MYH6: variants seen among roughly 807,000 people sequenced by gnomAD.
MYH6 encodes myosin-6.
A neutral mutation model predicts 223.2 loss-of-function variants in MYH6; 126 were observed. The ratio of observed to expected loss-of-function variants is 0.56; its 90% confidence interval spans 0.49 to 0.65. MYH6 has a LOEUF of 0.65. Among genes scored for constraint, MYH6 ranks in the 30% least tolerant of loss-of-function variants. The probability of loss-of-function intolerance (pLI) is 0.00; values close to 1 mark genes in which losing one functional copy is unlikely to be tolerated. For synonymous variants in MYH6, 978 were observed against 1,010.2 expected (o/e 0.97, Z 0.61); for missense variants, 2,040 against 2,536.4 (o/e 0.80, Z 4.20).
rs777159953 is a variant in MYH6 at position 23,387,623 on chromosome 14, C to T, written c.4556G>A (p.Gly1519Glu). 1 of 1,614,112 alleles carries T rather than the reference C, an allele frequency of 6.2e-7. No homozygotes were observed. The highest frequency in any genetic ancestry group is 8.5e-7 in the Non-Finnish European group (1 of 1,180,018). ...CTCATGCACATTCTTTCCTCCTTCTCCTAGCTGCTCAGTAAGGTCCGAGAT... is the reference window on the plus strand; with the variant it reads ...CTCATGCACATTCTTTCCTCCTTCTTCTAGCTGCTCAGTAAGGTCCGAGAT... Reference protein sequence around the residue: ...EEISDLTEQLGEGGKNVHELE... With the variant: ...EEISDLTEQLEEGGKNVHELE... The change falls in exon 32 of 39, where the codon GGA becomes GAA. Residue 1519 changes from glycine to glutamate, a missense_variant. Physicochemically the swap from Gly to Glu is moderately conservative, Grantham distance 98. Transcript: ENST00000405093.
chr14:23,389,501 G>A lies in MYH6; in HGVS notation c.3870C>T (p.Ala1290=), dbSNP rs2138591371. 6.2e-7 allele frequency: 1 copy of A among 1,614,164 alleles called. No homozygotes were observed. Among genetic ancestry groups the A allele is most frequent in the Non-Finnish European group, 8.5e-7 (1 of 1,180,020 alleles). The stretch of plus-strand genomic sequence containing the variant: ...GCGCCTCCTTTTCCTCTAGCTGCCG[G>A]GCCAACTCTCCTGGAGGTGAAATGA... ...AKLQTENGEL[A]RQLEEKEALI... The change falls in exon 28 of 39, where the codon GCC becomes GCT. Residue 1290 remains alanine, a synonymous_variant. Transcript: ENST00000405093.
chr14:23,396,615 T>G, intron 19 of MYH6, 79 bp downstream of exon 19: 1 of 1,611,420 alleles, frequency 6.2e-7, no homozygotes, highest in Non-Finnish European at 8.5e-7. Flanking sequence ...AGAATTAGGC[T>G]TCTGCCTCCT....
intron 12 of MYH6, 128 bp downstream of exon 12, chr14:23,402,336 C>T: frequency 7.0e-7 from 1 of 1,437,034 alleles, no homozygotes; most frequent in Non-Finnish European, 9.5e-7. Context: ...CTCCCACGTC[C>T]CTGTCCCTCA....
rs373721137 is a variant in MYH6, at chr14:23,393,828, C to A, written c.2766G>T (p.Lys922Asn). The change falls in exon 22 of 39, where the codon AAG becomes AAT. Residue 922 changes from lysine to asparagine, a missense_variant. Physicochemically the swap from Lys to Asn is moderately conservative, Grantham distance 94. Around this residue, in one of 4 missense-constraint regions of MYH6, gnomAD observed 1,203 missense variants for 1,400.2 expected, o/e 0.86. Coordinates refer to ENST00000405093, the MANE Select transcript of MYH6 (RefSeq NM_002471.4). ...KNKIQLEAKV[K>N]EMNERLEDEE... ...CATCCTCCAGCCTCTCATTCATCTCCTTTACTTTGGCCTCCAGCTGAATCT... is the reference window on the plus strand; with the variant it reads ...CATCCTCCAGCCTCTCATTCATCTCATTTACTTTGGCCTCCAGCTGAATCT... The A allele has an allele frequency of 6.2e-7, 1 of 1,614,248 alleles. No homozygotes were observed. The highest frequency in any genetic ancestry group is 8.5e-7 in the Non-Finnish European group (1 of 1,180,052).
chr14:23,406,960 C>A, intron 3 of MYH6, 63 bp downstream of exon 3: 1 of 1,565,782 alleles, frequency 6.4e-7, no homozygotes, highest in Non-Finnish European at 8.8e-7. Flanking sequence ...GCAAGTGGCT[C>A]CACCTCTGCA....
In MYH6 at chr14:23,405,279, T is replaced by A. The variant is rs756722953; in HGVS notation, c.446A>T (p.Glu149Val). ...VAAYRGKKRS[E>V]APPHIFSISD... Reference sequence around the variant, plus strand: ...GATGGAGAAGATGTGGGGCGGGGCCTCACTCCTCTTCTTGCCCCGGTAGGC... The same window carrying A: ...GATGGAGAAGATGTGGGGCGGGGCCACACTCCTCTTCTTGCCCCGGTAGGC... Residue 149 changes from glutamate to valine, a missense_variant, in exon 5 of 39, where the codon GAG (glutamate) becomes GTG (valine). Glu to Val is a moderately radical substitution (Grantham distance 121). Coordinates refer to ENST00000405093, the MANE Select transcript of MYH6 (RefSeq NM_002471.4). The surrounding 1 kb of genome is among the most constrained non-coding windows in gnomAD (Gnocchi z 4.7). 6.2e-7 allele frequency: 1 copy of A among 1,614,178 alleles called. No homozygotes were observed. Among genetic ancestry groups the A allele is most frequent in the Non-Finnish European group, 8.5e-7 (1 of 1,180,022 alleles).
intron 30 of MYH6, 34 bp from the exon 31 acceptor site, chr14:23,387,957 C>A (rs760044070): frequency 1.4e-5 from 22 of 1,611,530 alleles, no homozygotes; most frequent in East Asian, 2.2e-5. Context: ...TTCAGCCCCC[C>A]AGCCTTAGCT....
intron 32 of MYH6, among the ~76,000 whole-genome samples, chr14:23,387,275 T>C (rs1053125111): frequency 6.6e-6 from 1 of 152,188 alleles, no homozygotes; most frequent in African/African-American, 2.4e-5. Context: ...AAGTGGTTAT[T>C]ATTATGGCCA....
intron 23 of MYH6, 127 bp from the exon 24 acceptor site, chr14:23,393,184 C>A: frequency 6.7e-7 from 1 of 1,493,996 alleles, no homozygotes; most frequent in East Asian, 2.3e-5. Flanking sequence ...ATCCTGCAAG[C>A]ACAAAGGATT....
Position 23,400,354 on chromosome 14 carries a change from A to T in MYH6, c.1483T>A (p.Phe495Ile). The T allele has an allele frequency of 6.2e-7, 1 of 1,614,184 alleles. No homozygotes were observed. Among genetic ancestry groups the T allele is most frequent in the Non-Finnish European group, 8.5e-7 (1 of 1,180,034 alleles). The part of the protein sequence containing the change: ...KLQQFFNHHM[F>I]VLEQEEYKKE... ...TTGTACTCCTCCTGCTCCAGCACGA[A>T]CATGTGGTGGTTGAAGAACTGCTGC... Residue 495 changes from phenylalanine to isoleucine, a missense_variant, in exon 14 of 39, where the codon TTC becomes ATC. This residue lies in a region of MYH6 where 649 missense variants were observed against 877.3 expected (regional missense o/e 0.74). Coordinates refer to ENST00000405093, the MANE Select transcript of MYH6 (RefSeq NM_002471.4).
At chr14:23,396,116 AG>A (rs201179076) in intron 20 of MYH6, among the ~76,000 whole-genome samples, 167 bp downstream of exon 20, 33 of 140,838 alleles carry the variant, frequency 2.3e-4, no homozygotes, top group African/African-American at 8.4e-4. Context: ...AAAAAAAAAA[AG>A]AAGAAGAAGA....
chr14:23,384,440 A>C lies in MYH6; in HGVS notation c.5565+2T>G. ...ACTCCTGGTGTCTGGCGTCCGCCGC[A>C]CCTGGTAGGTGAGCTCCTTGATGCG... On this transcript the variant is annotated splice_donor_variant, in intron 36 of 38. Transcript: ENST00000405093. LOFTEE classifies it high-confidence loss of function. 6.2e-7 allele frequency: 1 copy of C among 1,610,116 alleles called. No individual in the cohort carries two copies. Among genetic ancestry groups the C allele is most frequent in the South Asian group, 1.1e-5 (1 of 91,066 alleles).
At chr14:23,384,874 GTTTCTGTC>G (rs769620549) in intron 35 of MYH6, 34 bp downstream of exon 35, 4 of 1,613,420 alleles carry the variant, frequency 2.5e-6, no homozygotes, top group East Asian at 4.5e-5. Context: ...CCAAGGCCTT[GTTTCTGTC>G]TTTAGGGGAG....
In MYH6 at chr14:23,403,779, C is replaced by T. The variant is rs915107695; in HGVS notation, c.736-1G>A. The T allele has an allele frequency of 1.3e-5, 21 of 1,609,838 alleles. No individual in the cohort carries two copies. Among genetic ancestry groups the T allele is most frequent in the Non-Finnish European group, 1.7e-5 (20 of 1,177,990 alleles). On this transcript the variant is annotated splice_acceptor_variant, in intron 8 of 38. Coordinates refer to ENST00000405093, the MANE Select transcript of MYH6 (RefSeq NM_002471.4). LOFTEE classifies it high-confidence loss of function. ...CAAAGTGGATCCTAATGAATTTCCCCTGGGGACGAATGGGACAGAGTGAGG... is the reference window on the plus strand; with the variant it reads ...CAAAGTGGATCCTAATGAATTTCCCTTGGGGACGAATGGGACAGAGTGAGG...
chr14:23,388,713 A>T, intron 29 of MYH6, 146 bp downstream of exon 29: 1 of 1,280,864 alleles, frequency 7.8e-7, no homozygotes, highest in Non-Finnish European at 1.1e-6. Context: ...CAAAGAGTTC[A>T]GGCTTTCTTC....
chr14:23,390,126 C>G lies in MYH6; in HGVS notation c.3663G>C (p.Lys1221Asn). ...NLQRVKQKLE[K>N]EKSEFKLELD... ...GCTCCAGCTTGAACTCGCTCTTCTC[C>G]TTCTCCAGCTTCTGCTTCACCCGCT... is the stretch of plus-strand genomic sequence containing the variant. The change falls in exon 26 of 39, where the codon AAG becomes AAC. Residue 1221 changes from lysine (K) to asparagine (N), a missense_variant. Transcript: ENST00000405093. 6.2e-7 allele frequency: 1 copy of G among 1,611,960 alleles called. No individual in the cohort carries two copies. Among genetic ancestry groups the G allele is most frequent in the East Asian group, 2.2e-5 (1 of 44,852 alleles).
intron 25 of MYH6, among the ~76,000 whole-genome samples, chr14:23,391,210 C>A (rs570009926): frequency 5.3e-5 from 8 of 152,218 alleles, no homozygotes; most frequent in Non-Finnish European, 8.8e-5. Context: ...GTGGAAATCC[C>A]TTCACCTCGG....
Position 23,400,863 on chromosome 14 carries a change from T to C in MYH6, c.1256A>G (p.Gln419Arg). The change falls in exon 13 of 39, where the codon CAG becomes CGG. Residue 419 changes from glutamine to arginine, a missense_variant. Physicochemically the swap from Gln to Arg is conservative, Grantham distance 43 (BLOSUM62 1). Coordinates refer to ENST00000405093, the MANE Select transcript of MYH6 (RefSeq NM_002471.4). ...AGCCCCGATGGAGTAGTACACCTGCTGCACGCTCTGCCCCTTGGTGACATA... is the reference window on the plus strand; with the variant it reads ...AGCCCCGATGGAGTAGTACACCTGCCGCACGCTCTGCCCCTTGGTGACATA... Reference protein sequence around the residue: ...NEYVTKGQSVQQVYYSIGALA... With the variant: ...NEYVTKGQSVRQVYYSIGALA... 6.2e-7 allele frequency: 1 copy of C among 1,614,248 alleles called. No individual in the cohort carries two copies. The highest frequency in any genetic ancestry group is 1.7e-5 in the Admixed American group (1 of 60,022).
In MYH6 at chr14:23,397,211, T is replaced by C; in HGVS notation, c.2009A>G (p.His670Arg). Residue 670 changes from histidine to arginine, a missense_variant, in exon 17 of 39, where the codon CAC becomes CGC. This residue lies in a region of MYH6 where 649 missense variants were observed against 877.3 expected (regional missense o/e 0.74). Coordinates refer to ENST00000405093, the MANE Select transcript of MYH6 (RefSeq NM_002471.4). ...ATTGGGGATGATGCAACGCACAAAG[T>C]GAGGATGGGTGGTCCTCAGGTTGGT... ...LMTNLRTTHP[H>R]FVRCIIPNER... 6.2e-7 allele frequency: 1 copy of C among 1,614,200 alleles called. No individual in the cohort carries two copies. The highest frequency in any genetic ancestry group is 8.5e-7 in the Non-Finnish European group (1 of 1,180,038).
Sources: gnomAD v4.1 joint callset for allele counts (sites outside exome capture counted in the v4.1 genomes callset) on GRCh38, gnomAD v4.1.1 for gene constraint, gnomAD v4.1.1 regional missense constraint, Gnocchi (gnomAD v3.1) non-coding constraint, MANE v1.5 for transcripts, NCBI Gene and HGNC (gene_info 2026-07-23, HGNC 2026-07-21) for gene names.